CTNNBIP1: variants seen among roughly 807,000 people sequenced by gnomAD.
The protein encoded by CTNNBIP1 is beta-catenin-interacting protein 1.
CTNNBIP1 carries 7 observed loss-of-function variants against 11.8 expected under a neutral mutation model. The ratio of observed to expected loss-of-function variants is 0.60; its 90% CI spans 0.34 to 1.12. CTNNBIP1 has a LOEUF of 1.12. CTNNBIP1 is among the 50% of genes most tolerant of loss of function. CTNNBIP1 has a pLI of 0.03. For synonymous variants in CTNNBIP1, 58 were observed against 43.9 expected (o/e 1.32, Z -1.26); for missense variants, 101 against 113.4 (o/e 0.89, Z 0.50).
intron 5 of CTNNBIP1, among the ~76,000 whole-genome samples, chr1:9,861,329 C>T (rs1638621327): frequency 6.6e-6 from 1 of 152,208 alleles, no homozygotes; most frequent in Non-Finnish European, 1.5e-5. Context: ...TCAGGTACCA[C>T]CCTGGACTGG....
intron 1 of CTNNBIP1, among the ~76,000 whole-genome samples, chr1:9,889,016 A>C (rs1279766656): frequency 1.3e-5 from 2 of 152,110 alleles, no homozygotes; most frequent in Admixed American, 1.3e-4. Flanking sequence ...GCTGGGAGGG[A>C]GGCGCCTGGA....
intron 5 of CTNNBIP1, among the ~76,000 whole-genome samples, chr1:9,860,428 T>TAAA (rs58165059): frequency 1.8e-4 from 8 of 45,540 alleles, no homozygotes; most frequent in Non-Finnish European, 2.6e-4. Context: ...CCGTCTCTAC[T>TAAA]AAAAAAAAAA....
chr1:9,897,522 C>T (rs1404580596), intron 1 of CTNNBIP1, among the ~76,000 whole-genome samples: 6 of 148,988 alleles, frequency 4.0e-5, no homozygotes, highest in African/African-American at 1.5e-4. Flanking sequence ...CATGGTGGCG[C>T]GTGCCTGTAA....
Position 9,848,827 on chromosome 1 carries a change from G to A in CTNNBIP1, c.*1891C>T, listed in dbSNP as rs889991152. On this transcript the variant is annotated 3_prime_UTR_variant, in exon 6 of 6. Coordinates refer to ENST00000377263, the MANE Select transcript of CTNNBIP1 (RefSeq NM_020248.3). The surrounding 1 kb of genome is among the most constrained non-coding windows in gnomAD (Gnocchi z 4.3). ...GGTGGAGGACACAGGGTCTTAGCCT[G>A]ATGCTCGAATCCTCCTTCTGGAACA... 8 of 152,296 alleles carry A rather than the reference G, an allele frequency of 5.3e-5. No homozygotes were observed. The highest frequency in any genetic ancestry group is 5.2e-4 in the Admixed American group (8 of 15,288). The allele number at this position is 152,296 out of a possible 1,614,324, so 9.4% of individuals were successfully genotyped here.
intron 1 of CTNNBIP1, among the ~76,000 whole-genome samples, chr1:9,887,704 GA>G (rs1359475225): frequency 3.6e-5 from 5 of 137,464 alleles, no homozygotes; most frequent in Admixed American, 7.3e-5. Flanking sequence ...TCCGTCTCAA[GA>G]AAAAAAAAAG....
At chr1:9,882,441 T>C (rs969447647) in intron 2 of CTNNBIP1, among the ~76,000 whole-genome samples, 3 of 152,080 alleles carry the variant, frequency 2.0e-5, no homozygotes, top group African/African-American at 7.2e-5. Flanking sequence ...GATGTGCGGC[T>C]GGGAGCCTGG....
At chr1:9,885,505 G>C (rs889842903) in intron 1 of CTNNBIP1, among the ~76,000 whole-genome samples, 2 of 152,110 alleles carry the variant, frequency 1.3e-5, no homozygotes, top group Non-Finnish European at 2.9e-5. Context: ...TTAGCTAGGT[G>C]TGGTGGCGTG....
intron 1 of CTNNBIP1, among the ~76,000 whole-genome samples, chr1:9,895,223 C>T (rs1639386516): frequency 1.4e-5 from 2 of 145,248 alleles, no homozygotes; most frequent in African/African-American, 5.1e-5. Context: ...GTTTTTGAGA[C>T]AGTCTTACTC....
intron 3 of CTNNBIP1, among the ~76,000 whole-genome samples, chr1:9,875,137 C>T (rs926531549): frequency 6.6e-6 from 1 of 152,206 alleles, no homozygotes; most frequent in East Asian, 1.9e-4. Context: ...TTCGAGCCGA[C>T]CAGTCCTTAG....
chr1:9,900,087 A>C lies in CTNNBIP1; in HGVS notation c.-144+10008T>G, dbSNP rs547419817. 9.6e-3 allele frequency among the ~76,000 whole-genome samples: 1,441 copies of C among 150,504 alleles called. 26 individuals are homozygous for C. The highest frequency in any genetic ancestry group is 0.032 in the African/African-American group (1,325 of 40,934). On this transcript the variant is annotated intron_variant, in intron 1 of 5. Coordinates refer to ENST00000377263, the MANE Select transcript of CTNNBIP1 (RefSeq NM_020248.3). ...CCGTCTCAAGAAAAAAAAAAAAAAC[A>C]ATCAATAGAATGCCATTAAAATGAG... is the stretch of plus-strand genomic sequence containing the variant.
chr1:9,887,727 T>TCCAACTTACAGGAAAAAGAAAAAC (rs1639214672), intron 1 of CTNNBIP1, among the ~76,000 whole-genome samples: 1 of 149,746 alleles, frequency 6.7e-6, no homozygotes. Context: ...AAAAGAAAAA[T>TCCAACTTACAGGAAAAAGAAAAAC]CCACCTTACA....
intron 1 of CTNNBIP1, among the ~76,000 whole-genome samples, chr1:9,890,533 G>C (rs1639280433): frequency 6.6e-6 from 1 of 152,186 alleles, no homozygotes; most frequent in African/African-American, 2.4e-5. Flanking sequence ...ATCCAGCCAC[G>C]GATCTTCCTT....
intron 3 of CTNNBIP1, among the ~76,000 whole-genome samples, chr1:9,877,476 C>A (rs899186648): frequency 1.3e-5 from 2 of 152,324 alleles, no homozygotes; most frequent in South Asian, 4.1e-4. Context: ...TCAGGCGAGG[C>A]CAGGGAGCAA....
At chr1:9,887,178 C>A (rs1405950771) in intron 1 of CTNNBIP1, among the ~76,000 whole-genome samples, 1 of 152,232 alleles carries the variant, frequency 6.6e-6, no homozygotes, top group Non-Finnish European at 1.5e-5. Context: ...ACTGTTGTCA[C>A]CACAGCATTT....
At chr1:9,858,500 G>C (rs973234745) in intron 5 of CTNNBIP1, among the ~76,000 whole-genome samples, 1 of 152,172 alleles carries the variant, frequency 6.6e-6, no homozygotes, top group Non-Finnish European at 1.5e-5. Context: ...TTACACCCCA[G>C]GGCCTTTGCA....
At chr1:9,909,308 C>A (rs1291720444) in intron 1 of CTNNBIP1, among the ~76,000 whole-genome samples, 1 of 152,188 alleles carries the variant, frequency 6.6e-6, no homozygotes, top group Non-Finnish European at 1.5e-5. Context: ...GGAGGTGGTG[C>A]AAGCCACACG....
chr1:9,868,518 C>T (rs1252747793), intron 5 of CTNNBIP1, among the ~76,000 whole-genome samples: 1 of 152,154 alleles, frequency 6.6e-6, no homozygotes, highest in East Asian at 1.9e-4. Flanking sequence ...TTTTTTTTAA[C>T]TTTCCCTTAT....
chr1:9,900,175 G>A (rs1211643875), intron 1 of CTNNBIP1, among the ~76,000 whole-genome samples: 3 of 152,138 alleles, frequency 2.0e-5, no homozygotes, highest in South Asian at 4.2e-4. Context: ...AGGCCGAGGC[G>A]AGCAGATCAC....
intron 1 of CTNNBIP1, among the ~76,000 whole-genome samples, chr1:9,885,893 T>C (rs1001306292): frequency 4.0e-5 from 6 of 150,506 alleles, no homozygotes; most frequent in South Asian, 2.1e-4. Context: ...GATTGTGCCA[T>C]TGCACTCCAG....
Sources: allele counts gnomAD v4.1 joint callset (sites outside exome capture counted in the v4.1 genomes callset), GRCh38; gene constraint gnomAD v4.1.1; non-coding constraint Gnocchi (gnomAD v3.1); transcripts MANE v1.5; gene names NCBI Gene and HGNC (gene_info 2026-07-23, HGNC 2026-07-21).